RIPOR1: variants seen among roughly 807,000 people sequenced by gnomAD.
RIPOR1 encodes the protein RHO family interacting cell polarization regulator 1.
RIPOR1 carries 58 observed loss-of-function variants against 116.5 expected under a neutral mutation model. That is an observed-to-expected ratio of 0.50 (90% CI 0.40 to 0.62). RIPOR1 has a LOEUF of 0.62. Among genes scored for constraint, RIPOR1 ranks in the 20% least tolerant of loss-of-function variants. RIPOR1 has a pLI of 0.00. For synonymous variants in RIPOR1, 605 were observed against 650.0 expected, an observed-to-expected ratio of 0.93 and a Z score of 1.05; for missense variants, 1,372 against 1,586.2, an observed-to-expected ratio of 0.86 and a Z score of 2.29.
At chr16:67,538,862 C>G (rs2050886912) in intron 3 of RIPOR1, 38 bp downstream of exon 3, 1 of 1,610,976 alleles carries the variant, frequency 6.2e-7, no homozygotes, top group African/African-American at 1.3e-5. Context: ...GTCCCGGGAT[C>G]CCTCCCCAAG....
chr16:67,544,470 C>A lies in RIPOR1; in HGVS notation c.2733+39C>A. 19 of 1,582,056 alleles carry A rather than the reference C, an allele frequency of 1.2e-5. No individual in the cohort carries two copies. Among genetic ancestry groups the A allele is most frequent in the Non-Finnish European group, 1.6e-5 (19 of 1,164,150 alleles). On this transcript the variant is annotated intron_variant, in intron 15 of 21. Coordinates refer to ENST00000042381, the MANE Select transcript of RIPOR1 (RefSeq NM_024519.4). The surrounding 1 kb of genome is among the most constrained non-coding windows in gnomAD (Gnocchi z 5.1). ...TGTTCCCCCACCCTTCCTTTGTAACCCCTAACCCCAGGGAGTCCTGCCCTT... is the reference window on the plus strand; with the variant it reads ...TGTTCCCCCACCCTTCCTTTGTAACACCTAACCCCAGGGAGTCCTGCCCTT...
rs1005292208 is a variant in RIPOR1 at position 67,533,694 on chromosome 16, T to G, written c.-23-4730T>G. Among the ~76,000 whole-genome samples the G allele has an allele frequency of 4.6e-5, 7 of 151,220 alleles. No individual in the cohort carries two copies. In the South Asian group the frequency reaches 1.5e-3, roughly 31 times the overall value. ...TGGGAAGAGGAGCAGGCGGGTGTAG[T>G]GAGAAAATGCAGGTAGACATCTCTT... On this transcript the variant is annotated intron_variant, in intron 1 of 21. Coordinates refer to ENST00000042381, the MANE Select transcript of RIPOR1 (RefSeq NM_024519.4).
rs939072983 is a variant in RIPOR1 at position 67,540,001 on chromosome 16, A to G, written c.415-52A>G. ...GGGTGAGCAACCTTAGAGGTGAGTA[A>G]CCCCAGAGGTGAGTCTCAGTCCCCC... is the stretch of plus-strand genomic sequence containing the variant. On this transcript the variant is annotated intron_variant, in intron 6 of 21. Transcript: ENST00000042381. The surrounding 1 kb of genome is among the most constrained non-coding windows in gnomAD (Gnocchi z 4.7). The G allele has an allele frequency of 3.1e-6, 5 of 1,613,552 alleles. No homozygotes were observed. The African/African-American group carries it at 6.7e-5, about 22-fold the overall frequency.
chr16:67,522,191 ATTTTTTTTTT>A (rs34835336), intron 1 of RIPOR1, among the ~76,000 whole-genome samples: 24 of 71,338 alleles, frequency 3.4e-4, no homozygotes, highest in Admixed American at 4.7e-4. Context: ...CCACGCCCAG[ATTTTTTTTTT>A]TTTTTTTTTT....
chr16:67,535,379 TC>T (rs35780647), intron 1 of RIPOR1, among the ~76,000 whole-genome samples: 1 of 152,106 alleles, frequency 6.6e-6, no homozygotes, highest in African/African-American at 2.4e-5. Flanking sequence ...GGAGTTGGAT[TC>T]CCCAGGGCTG....
At chr16:67,546,060 C>T in intron 20 of RIPOR1, 28 bp downstream of exon 20, 1 of 1,607,184 alleles carries the variant, frequency 6.2e-7, no homozygotes, top group Middle Eastern at 1.7e-4. Context: ...TCCCACCCCT[C>T]TGTCCGCTTC....
rs1217568845 is a variant in RIPOR1 at position 67,544,737 on chromosome 16, G to A, written c.2776G>A (p.Ala926Thr). ...FGPLRCQEAW[A>T]LERLLREARV... ...GCCCCTGCGCTGCCAGGAGGCATGGGCCCTGGAGCGGCTGCTGCGGGAAGC... is the reference window on the plus strand; with the variant it reads ...GCCCCTGCGCTGCCAGGAGGCATGGACCCTGGAGCGGCTGCTGCGGGAAGC... Residue 926 changes from alanine (A) to threonine (T), a missense_variant, in exon 16 of 22, where the codon GCC becomes ACC. Ala to Thr is a moderately conservative substitution (Grantham distance 58, BLOSUM62 0). This residue lies in a region of RIPOR1 where 1,005 missense variants were observed against 1,144.7 expected (regional missense o/e 0.88). Coordinates refer to ENST00000042381, the MANE Select transcript of RIPOR1 (RefSeq NM_024519.4). This position sits in a 1 kb window ranked among gnomAD's most constrained non-coding sequence, Gnocchi z 5.1. 3 of 1,613,052 alleles carry A rather than the reference G, an allele frequency of 1.9e-6. No homozygotes were observed. The highest frequency in any genetic ancestry group is 2.2e-5 in the South Asian group (2 of 91,086).
At chr16:67,524,390 A>G (rs1432812921), upstream of RIPOR1, among the ~76,000 whole-genome samples, 1 of 152,186 alleles carries the variant, frequency 6.6e-6, no homozygotes, top group Non-Finnish European at 1.5e-5. Flanking sequence ...TTGCCCCACC[A>G]TGCACTGAAG....
At position 67,538,996 on chromosome 16, in the gene RIPOR1, C is replaced by T. The variant is rs539860066; in HGVS notation, c.264C>T (p.Tyr88=). The T allele has an allele frequency of 6.8e-6, 11 of 1,613,866 alleles. No individual in the cohort carries two copies. In the South Asian group the frequency reaches 9.9e-5, roughly 14 times the overall value. ...TGGTCGCCCCTTTCCTCAGGGCCTA[C>T]TTGGAAGTGCACCAGCAGGAGCAAG... is the stretch of plus-strand genomic sequence containing the variant. ...YTALKRGLTA[Y]LEVHQQEQEK... is the part of the protein sequence containing the mutation. Residue 88 remains tyrosine, a synonymous_variant, in exon 4 of 22, where the codon TAC becomes TAT. Coordinates refer to ENST00000042381, the MANE Select transcript of RIPOR1 (RefSeq NM_024519.4).
rs761883642 is a variant in RIPOR1, at chr16:67,538,729, A to G, written c.162A>G (p.Arg54=). 6.2e-7 allele frequency: 1 copy of G among 1,613,352 alleles called. No individual in the cohort carries two copies. ...GPPRKPPALS[R]VSRMFSVAHP... is the part of the protein sequence containing the mutation. ...CACGGAAGCCCCCCGCGCTCTCCCG[A>G]GTGTCCAGGATGTTTTCCGTGGCTC... The change falls in exon 3 of 22, where the codon CGA becomes CGG. Residue 54 remains arginine (R), a synonymous_variant. Coordinates refer to ENST00000042381, the MANE Select transcript of RIPOR1 (RefSeq NM_024519.4).
Position 67,537,361 on chromosome 16 carries a change from G to T in RIPOR1, c.-23-1063G>T. 4 of 1,224,486 alleles carry T rather than the reference G, an allele frequency of 3.3e-6. No individual in the cohort carries two copies. Among genetic ancestry groups the T allele is most frequent in the Non-Finnish European group, 4.1e-6 (4 of 982,230 alleles). 75.9% of individuals were successfully genotyped at this position (1,224,486 alleles called of 1,614,324 possible). A position where few individuals can be genotyped will look rare whatever the true frequency, so the allele number is the denominator to read the frequency against. On this transcript the variant is annotated intron_variant, in intron 1 of 21. Transcript: ENST00000042381. The surrounding 1 kb of genome is among the most constrained non-coding windows in gnomAD (Gnocchi z 4.6). ...CTGAGCAGACCCCTCGCCCCCCGTC[G>T]GTCCCCTCCCCGAGGGGAACCCCAG...
Position 67,541,260 on chromosome 16 carries a change from G to A in RIPOR1, c.802-170G>A. 1.9e-6 allele frequency: 1 copy of A among 522,710 alleles called. No individual in the cohort carries two copies. Among genetic ancestry groups the A allele is most frequent in the South Asian group, 4.1e-5 (1 of 24,154 alleles). 32.4% of individuals were successfully genotyped at this position (522,710 alleles called of 1,614,324 possible). On this transcript the variant is annotated intron_variant, in intron 10 of 21. Coordinates refer to ENST00000042381, the MANE Select transcript of RIPOR1 (RefSeq NM_024519.4). The surrounding 1 kb of genome is among the most constrained non-coding windows in gnomAD (Gnocchi z 4.6). ...TTTTTTTTTTTTTTTTTTTGAGACA[G>A]AGTCTTGCCATGTTGCCCAAGCTGG...
upstream of RIPOR1, among the ~76,000 whole-genome samples, chr16:67,527,503 T>C (rs1357363177): frequency 6.6e-6 from 1 of 151,996 alleles, no homozygotes; most frequent in Non-Finnish European, 1.5e-5. Context: ...CCCAGTACTT[T>C]GGGAGGCCAA....
Position 67,545,221 on chromosome 16 carries a change from G to A in RIPOR1, c.3031+104G>A. 6.5e-7 allele frequency: 1 copy of A among 1,542,962 alleles called. No individual in the cohort carries two copies. Among genetic ancestry groups the A allele is most frequent in the Non-Finnish European group, 8.8e-7 (1 of 1,136,238 alleles). On this transcript the variant is annotated intron_variant, in intron 17 of 21. Transcript: ENST00000042381. The surrounding 1 kb of genome is among the most constrained non-coding windows in gnomAD (Gnocchi z 4.8). ...ACAGATAAACGAACTGGGCACCGAGGAGACCAGCAAAGACTTGGGCCTTAG... is the reference window on the plus strand; with the variant it reads ...ACAGATAAACGAACTGGGCACCGAGAAGACCAGCAAAGACTTGGGCCTTAG...
At chr16:67,521,299 C>T (rs932509575) in intron 1 of RIPOR1, among the ~76,000 whole-genome samples, 4 of 152,306 alleles carry the variant, frequency 2.6e-5, no homozygotes, top group African/African-American at 9.6e-5. Context: ...AGTCGGGTTC[C>T]GCCTGGGGAT....
chr16:67,543,957 C>T lies in RIPOR1; in HGVS notation c.2601-342C>T, dbSNP rs992305868. 7 of 393,584 alleles carry T rather than the reference C, an allele frequency of 1.8e-5. No individual in the cohort carries two copies. The highest frequency in any genetic ancestry group is 3.2e-5 in the Non-Finnish European group (7 of 215,968). The allele number at this position is 393,584 out of a possible 1,614,324, so 24.4% of individuals were successfully genotyped here. ...TCCCAGTTGAGAGTTGTGCCAGGTC[C>T]CTCCTTCCTCTGCTGCTGCCCAGGC... On this transcript the variant is annotated intron_variant, in intron 14 of 21. Transcript: ENST00000042381. The surrounding 1 kb of genome is among the most constrained non-coding windows in gnomAD (Gnocchi z 4.7).
Position 67,541,660 on chromosome 16 carries a change from G to C in RIPOR1, c.958G>C (p.Asp320His). 1 of 1,614,020 alleles carries C rather than the reference G, an allele frequency of 6.2e-7. No homozygotes were observed. The highest frequency in any genetic ancestry group is 8.5e-7 in the Non-Finnish European group (1 of 1,179,964). Reference protein sequence around the residue: ...LSLEVTWSPFDKDDQPSAASS... With the variant: ...LSLEVTWSPFHKDDQPSAASS... ...AGCCTCTTCCCTTCCCAGCCCCTTC[G>C]ACAAGGATGACCAGCCCTCAGCTGC... The change falls in exon 12 of 22, where the codon GAC becomes CAC. Residue 320 changes from aspartate to histidine, a missense_variant. By Grantham distance (81) the Asp-to-His change is moderately conservative. Coordinates refer to ENST00000042381, the MANE Select transcript of RIPOR1 (RefSeq NM_024519.4). This position sits in a 1 kb window ranked among gnomAD's most constrained non-coding sequence, Gnocchi z 4.6.
intron 1 of RIPOR1, among the ~76,000 whole-genome samples, chr16:67,533,713 A>C (rs117847477): frequency 6.6e-6 from 1 of 152,034 alleles, no homozygotes; most frequent in Non-Finnish European, 1.5e-5. Context: ...GCAGGTAGAC[A>C]TCTCTTCAAG....
At position 67,545,284 on chromosome 16, in the gene RIPOR1, G is replaced by A. The variant is rs2051128603; in HGVS notation, c.3032-92G>A. ...CAGATGGGTGGGGTTTGAACAGGGG[G>A]CCCCTGGACCTGAGCCTGGGATAGG... On this transcript the variant is annotated intron_variant, in intron 17 of 21. Transcript: ENST00000042381. The surrounding 1 kb of genome is among the most constrained non-coding windows in gnomAD (Gnocchi z 4.8). 2.1e-5 allele frequency: 32 copies of A among 1,540,858 alleles called. No individual in the cohort carries two copies. The highest frequency in any genetic ancestry group is 2.7e-5 in the Non-Finnish European group (31 of 1,138,430).
Sources: gnomAD v4.1 joint callset for allele counts (sites outside exome capture counted in the v4.1 genomes callset) on GRCh38, gnomAD v4.1.1 for gene constraint, gnomAD v4.1.1 regional missense constraint, Gnocchi (gnomAD v3.1) non-coding constraint, MANE v1.5 for transcripts, NCBI Gene and HGNC (gene_info 2026-07-23, HGNC 2026-07-21) for gene names.